DIP2C: variants seen among roughly 807,000 people sequenced by gnomAD.
DIP2C encodes disco-interacting protein 2 homolog C.
DIP2C carries 33 observed loss-of-function variants against 192.4 expected under a neutral mutation model. The ratio of observed to expected loss-of-function variants is 0.17; its 90% CI spans 0.13 to 0.23. The LOEUF is 0.23. Among genes scored for constraint, DIP2C ranks in the 10% least tolerant of loss-of-function variants. The pLI is 1.00. For missense variants in DIP2C, 1,537 were observed against 2,110.1 expected, an observed-to-expected ratio of 0.73 and a Z score of 5.32; for synonymous variants, 979 against 864.1, an observed-to-expected ratio of 1.13 and a Z score of -2.33.
chr10:298,217 A>G (rs1955852994), intron 32 of DIP2C, among the ~76,000 whole-genome samples: 1 of 152,116 alleles, frequency 6.6e-6, no homozygotes, highest in Admixed American at 6.5e-5. Context: ...TCTCTCAGAA[A>G]TGTCCCTGTT....
chr10:665,633 G>T (rs1857042930), intron 1 of DIP2C: 2 of 152,076 alleles, frequency 1.3e-5, no homozygotes. Context: ...ACGTGACGAG[G>T]CACACGCGGA....
At chr10:687,987 G>GC (rs1440752943) in intron 1 of DIP2C, among the ~76,000 whole-genome samples, 3 of 152,214 alleles carry the variant, frequency 2.0e-5, no homozygotes, top group African/African-American at 7.2e-5. Flanking sequence ...CACGGAGGGT[G>GC]CTGCAGGCAG....
At chr10:339,210 T>C (rs1958025184) in intron 29 of DIP2C, among the ~76,000 whole-genome samples, 1 of 151,998 alleles carries the variant, frequency 6.6e-6, no homozygotes, top group Admixed American at 6.5e-5. Flanking sequence ...GTATTAGTCA[T>C]TGTGGATCTA....
At chr10:409,762 C>CGTTA (rs1466160021) in intron 8 of DIP2C, among the ~76,000 whole-genome samples, 1 of 152,220 alleles carries the variant, frequency 6.6e-6, no homozygotes, top group Non-Finnish European at 1.5e-5. Flanking sequence ...TCAAACTTTC[C>CGTTA]TAACCTCAGG....
intron 1 of DIP2C, among the ~76,000 whole-genome samples, chr10:549,471 G>A (rs1185077590): frequency 2.0e-5 from 3 of 152,136 alleles, no homozygotes; most frequent in Non-Finnish European, 4.4e-5. Context: ...AGGAAGACGA[G>A]ACCAATGAGC....
chr10:639,077 A>G (rs1435776987), intron 1 of DIP2C, among the ~76,000 whole-genome samples: 1 of 143,594 alleles, frequency 7.0e-6, no homozygotes, highest in Admixed American at 7.2e-5. Context: ...AGGTCCCACA[A>G]TGGGCACAAG....
intron 1 of DIP2C, among the ~76,000 whole-genome samples, chr10:507,947 A>G (rs1290242127): frequency 1.3e-5 from 2 of 152,232 alleles, no homozygotes; most frequent in Non-Finnish European, 2.9e-5. Context: ...CTGAAGACAG[A>G]GTCCATGCGT....
intron 1 of DIP2C, among the ~76,000 whole-genome samples, chr10:498,247 C>T (rs1195622004): frequency 6.6e-6 from 1 of 152,206 alleles, no homozygotes; most frequent in African/African-American, 2.4e-5. Context: ...TGCAGTGATG[C>T]TGCTGCTGTT....
At chr10:340,643 A>T in intron 29 of DIP2C, 2 of 407,522 alleles carry the variant, frequency 4.9e-6, no homozygotes, top group South Asian at 3.5e-5. Flanking sequence ...AAAAAAGCCA[A>T]GAAACATCCA....
intron 3 of DIP2C, among the ~76,000 whole-genome samples, chr10:447,328 T>C (rs1968326004): frequency 7.1e-6 from 1 of 141,808 alleles, no homozygotes; most frequent in African/African-American, 2.8e-5. Flanking sequence ...CCCCTGTCGA[T>C]ATTCAGGATC....
intron 29 of DIP2C, chr10:340,711 C>T (rs1332946724): frequency 2.2e-6 from 1 of 455,962 alleles, no homozygotes; most frequent in South Asian, 1.5e-5. Flanking sequence ...CTGCTGTAAG[C>T]CAGGCTCCGA....
At chr10:390,621 G>A in intron 11 of DIP2C, 119 bp downstream of exon 11, 5 of 1,490,052 alleles carry the variant, frequency 3.4e-6, no homozygotes, top group Non-Finnish European at 4.5e-6. Flanking sequence ...AAACTCGTGG[G>A]TCTGTGACTG....
intron 1 of DIP2C, among the ~76,000 whole-genome samples, chr10:568,765 C>CCA (rs1849593726): frequency 5.3e-5 from 2 of 37,862 alleles, no homozygotes; most frequent in African/African-American, 2.0e-4. Flanking sequence ...AACTCCGTCT[C>CCA]AAAAAAAAAA....
chr10:446,113 G>C (rs1216780928), intron 3 of DIP2C, among the ~76,000 whole-genome samples: 1 of 152,046 alleles, frequency 6.6e-6, no homozygotes, highest in East Asian at 1.9e-4. Context: ...TGGTCCACTG[G>C]GCAACTGTAT....
At chr10:654,422 T>C (rs1856149791) in intron 1 of DIP2C, among the ~76,000 whole-genome samples, 2 of 152,146 alleles carry the variant, frequency 1.3e-5, no homozygotes, top group South Asian at 2.1e-4. Flanking sequence ...AACCCAGCCT[T>C]TGAAAAGGCC....
At chr10:675,654 C>A (rs1335570017) in intron 1 of DIP2C, among the ~76,000 whole-genome samples, 1 of 152,052 alleles carries the variant, frequency 6.6e-6, no homozygotes, top group Non-Finnish European at 1.5e-5. Flanking sequence ...TATATGTCAA[C>A]AGAGTGGAAA....
chr10:393,951 C>T (rs886162108), intron 10 of DIP2C, among the ~76,000 whole-genome samples: 3 of 152,030 alleles, frequency 2.0e-5, no homozygotes, highest in Non-Finnish European at 2.9e-5. Context: ...AACCCTTGCA[C>T]GCTATTGGTG....
intron 17 of DIP2C, among the ~76,000 whole-genome samples, chr10:381,581 C>T (rs192251384): frequency 2.0e-4 from 31 of 152,278 alleles, no homozygotes; most frequent in Admixed American, 6.5e-4. Flanking sequence ...GGGAGCAGGC[C>T]GCAGCCGACC....
intron 13 of DIP2C, among the ~76,000 whole-genome samples, chr10:388,367 C>G (rs1963157058): frequency 6.6e-6 from 1 of 152,212 alleles, no homozygotes; most frequent in African/African-American, 2.4e-5. Flanking sequence ...GGTTTACCAT[C>G]ACAGAGCATG....
Sources: allele counts gnomAD v4.1 joint callset (sites outside exome capture counted in the v4.1 genomes callset), GRCh38; gene constraint gnomAD v4.1.1; transcripts MANE v1.5; gene names NCBI Gene and HGNC (gene_info 2026-07-23, HGNC 2026-07-21).